Variants in NLGN1 observed in about 807,000 individuals in gnomAD.
The protein encoded by NLGN1 is neuroligin 1.
In NLGN1, 12 loss-of-function variants were observed where a neutral mutation model predicts 65.5. That is an observed-to-expected ratio of 0.18 (90% confidence interval 0.12 to 0.30). The LOEUF is 0.30. Among genes scored for constraint, NLGN1 ranks in the 10% least tolerant of loss-of-function variants. The pLI, the probability that NLGN1 is intolerant of heterozygous loss-of-function variation, is 1.00. For missense variants in NLGN1, 750 were observed against 1,007.1 expected (o/e 0.74, Z 3.46); for synonymous variants, 350 against 359.5 (o/e 0.97, Z 0.30).
chr3:173,883,303 A>C (rs1285366146), intron 4 of NLGN1, among the ~76,000 whole-genome samples: 1 of 152,164 alleles, frequency 6.6e-6, no homozygotes, highest in Admixed American at 6.5e-5. Context: ...AGATAAGGGA[A>C]TGGCCAGTCG....
rs1780395624 is a variant in NLGN1 at position 173,777,004 on chromosome 3, G to T, written c.494-30676G>T. 2.0e-5 allele frequency among the ~76,000 whole-genome samples: 3 copies of T among 151,898 alleles called. 1 individual carries two copies. Among genetic ancestry groups the T allele is most frequent in the Admixed American group, 2.0e-4 (3 of 15,268 alleles). ...AAAATGGAATAACTATATAACTTGG[G>T]AAAGCAGTAAGAGTGATTAAAATCT... On this transcript the variant is annotated intron_variant, in intron 3 of 6. Transcript: ENST00000457714.
intron 4 of NLGN1, among the ~76,000 whole-genome samples, chr3:174,027,206 C>T (rs1415360059): frequency 2.0e-5 from 3 of 152,066 alleles, no homozygotes; most frequent in African/African-American, 7.2e-5. Flanking sequence ...TAAAAATGTT[C>T]TTTATCCAGC....
chr3:174,145,470 G>A (rs573590542), intron 4 of NLGN1, among the ~76,000 whole-genome samples: 144 of 151,926 alleles, frequency 9.5e-4, no homozygotes, highest in African/African-American at 3.4e-3. Flanking sequence ...CCAAGATGGC[G>A]CCACTGCACT....
At chr3:173,931,145 A>G (rs1417138398) in intron 4 of NLGN1, among the ~76,000 whole-genome samples, 1 of 152,182 alleles carries the variant, frequency 6.6e-6, no homozygotes, top group Non-Finnish European at 1.5e-5. Flanking sequence ...AACTCAGTCA[A>G]TAAATTTTGA....
At chr3:173,670,905 A>C (rs1292114415) in intron 3 of NLGN1, among the ~76,000 whole-genome samples, 2 of 152,256 alleles carry the variant, frequency 1.3e-5, no homozygotes, top group African/African-American at 4.8e-5. Flanking sequence ...AGGAAAACAC[A>C]GTACTCAAAA....
intron 4 of NLGN1, among the ~76,000 whole-genome samples, chr3:174,269,355 C>T (rs1748903152): frequency 6.6e-6 from 1 of 151,884 alleles, no homozygotes; most frequent in African/African-American, 2.4e-5. Flanking sequence ...CTCCACAGCT[C>T]TTGGTAACCA....
rs1022049571 is a variant in NLGN1 at position 174,033,809 on chromosome 3, A to G, written c.646+225977A>G. Among the ~76,000 whole-genome samples, 4 of 152,242 alleles carry G rather than the reference A, an allele frequency of 2.6e-5. No individual in the cohort carries two copies. In the East Asian group the frequency reaches 7.7e-4, roughly 29 times the overall value. ...AACAGAACATCCAAAAAATTATATG[A>G]CAATTTTTAAAGGTGTAAAACATGT... On this transcript the variant is annotated intron_variant, in intron 4 of 6. Coordinates refer to ENST00000457714, the Ensembl canonical transcript of NLGN1.
At chr3:173,774,251 T>A (rs1415881939) in intron 3 of NLGN1, among the ~76,000 whole-genome samples, 1 of 152,224 alleles carries the variant, frequency 6.6e-6, no homozygotes, top group South Asian at 2.1e-4. Context: ...GCAAGAAATG[T>A]CAGTGGCTCA....
At chr3:173,892,621 T>G (rs2152133651) in intron 4 of NLGN1, among the ~76,000 whole-genome samples, 1 of 151,256 alleles carries the variant, frequency 6.6e-6, no homozygotes, top group Non-Finnish European at 1.5e-5. Flanking sequence ...AATAAGAGAT[T>G]ATATTAAACT....
At chr3:173,858,170 T>A (rs976333195) in intron 4 of NLGN1, among the ~76,000 whole-genome samples, 1 of 152,160 alleles carries the variant, frequency 6.6e-6, no homozygotes, top group Non-Finnish European at 1.5e-5. Flanking sequence ...CATCTTCACA[T>A]GCACAGTGAG....
intron 2 of NLGN1, among the ~76,000 whole-genome samples, chr3:173,555,032 C>T (rs937175409): frequency 6.9e-4 from 105 of 152,254 alleles, no homozygotes; most frequent in African/African-American, 2.5e-3. Flanking sequence ...ATTCTGTGTG[C>T]TAATTGACCA....
intron 1 of NLGN1, among the ~76,000 whole-genome samples, chr3:173,420,852 T>C (rs934475689): frequency 6.6e-6 from 1 of 152,238 alleles, no homozygotes; most frequent in African/African-American, 2.4e-5. Context: ...ATGTACAAAA[T>C]TTTTACACAT....
At chr3:173,676,456 A>T (rs1451890227) in intron 3 of NLGN1, among the ~76,000 whole-genome samples, 1 of 152,170 alleles carries the variant, frequency 6.6e-6, no homozygotes, top group East Asian at 1.9e-4. Flanking sequence ...GTATCCAGAA[A>T]TTGCTAATAT....
intron 4 of NLGN1, among the ~76,000 whole-genome samples, chr3:173,813,961 A>T (rs1718499629): frequency 6.6e-6 from 1 of 152,234 alleles, no homozygotes; most frequent in African/African-American, 2.4e-5. Context: ...TCAGTATATG[A>T]TTATTTATAG....
intron 4 of NLGN1, among the ~76,000 whole-genome samples, chr3:174,204,963 G>A (rs926754162): frequency 6.6e-6 from 1 of 152,160 alleles, no homozygotes; most frequent in African/African-American, 2.4e-5. Context: ...GCACCAATGA[G>A]TTGGCAGAAA....
intron 2 of NLGN1, among the ~76,000 whole-genome samples, chr3:173,539,448 TATAC>T (rs1270655534): frequency 6.9e-6 from 1 of 145,938 alleles, no homozygotes; most frequent in East Asian, 2.0e-4. Context: ...TGTACATGTA[TATAC>T]ATACATGTAC....
intron 4 of NLGN1, among the ~76,000 whole-genome samples, chr3:173,949,670 T>TATCTGTATA (rs1747836137): frequency 6.6e-6 from 1 of 152,164 alleles, no homozygotes; most frequent in African/African-American, 2.4e-5. Flanking sequence ...TACTAAAAAG[T>TATCTGTATA]ATCTGTATAA....
At chr3:174,136,314 A>G (rs371011648) in intron 4 of NLGN1, 46 of 152,276 alleles carry the variant, frequency 3.0e-4, no homozygotes, top group African/African-American at 1.1e-3. Context: ...GTAGGAAATA[A>G]CTACATTTGA....
At chr3:173,729,613 G>A (rs1290093130) in intron 3 of NLGN1, among the ~76,000 whole-genome samples, 1 of 152,034 alleles carries the variant, frequency 6.6e-6, no homozygotes, top group Non-Finnish European at 1.5e-5. Flanking sequence ...TTGATGGAAT[G>A]CAAATCTGCA....
Sources: allele counts gnomAD v4.1 joint callset (sites outside exome capture counted in the v4.1 genomes callset), GRCh38; gene constraint gnomAD v4.1.1; transcripts MANE v1.5; gene names NCBI Gene and HGNC (gene_info 2026-07-23, HGNC 2026-07-21).